GABRG2: variants seen among roughly 807,000 people sequenced by gnomAD.
GABRG2 encodes the protein gamma-aminobutyric acid receptor subunit gamma-2.
GABRG2 carries 16 observed loss-of-function variants against 56.4 expected under a neutral mutation model. That is an observed-to-expected ratio of 0.28 (90% CI 0.19 to 0.43). GABRG2 has a LOEUF of 0.43. Among genes scored for constraint, GABRG2 ranks in the 20% least tolerant of loss-of-function variants. The probability of loss-of-function intolerance (pLI) is 1.00; values close to 1 mark genes in which losing one functional copy is unlikely to be tolerated. For synonymous variants in GABRG2, 208 were observed against 205.5 expected (o/e 1.01, Z -0.10); for missense variants, 327 against 582.7 (o/e 0.56, Z 4.52).
At position 162,153,465 on chromosome 5, in the gene GABRG2, A is replaced by G; in HGVS notation, c.*97A>G. 7 of 1,368,842 alleles carry G rather than the reference A, an allele frequency of 5.1e-6. No homozygotes were observed. Among genetic ancestry groups the G allele is most frequent in the Non-Finnish European group, 7.3e-6 (7 of 961,142 alleles). 84.8% of individuals were successfully genotyped at this position (1,368,842 alleles called of 1,614,324 possible). The stretch of plus-strand genomic sequence containing the variant: ...TTAAATAATCCTCTATGTGGTTGAT[A>G]ATGATCTGAATCTGTTTCTATGTCC... On this transcript the variant is annotated 3_prime_UTR_variant, in exon 10 of 10. Transcript: ENST00000639213.
At chr5:162,111,870 T>G (rs537464727) in intron 6 of GABRG2, among the ~76,000 whole-genome samples, 1 of 152,296 alleles carries the variant, frequency 6.6e-6, no homozygotes, top group African/African-American at 2.4e-5. Context: ...TATTAGCACT[T>G]AATATGGTAG....
chr5:162,145,739 T>G (rs922298169), intron 7 of GABRG2, among the ~76,000 whole-genome samples: 1 of 152,178 alleles, frequency 6.6e-6, no homozygotes, highest in Non-Finnish European at 1.5e-5. Context: ...TTAAAAAAAT[T>G]AACTCATCTA....
chr5:162,109,416 A>ATATATATG (rs1554098573), intron 6 of GABRG2, among the ~76,000 whole-genome samples: 1 of 87,534 alleles, frequency 1.1e-5, no homozygotes, highest in African/African-American at 3.8e-5. Flanking sequence ...ATATATATAT[A>ATATATATG]TATATATTTA....
chr5:162,088,980 T>C (rs1387306502), intron 1 of GABRG2, among the ~76,000 whole-genome samples: 1 of 152,142 alleles, frequency 6.6e-6, no homozygotes, highest in African/African-American at 2.4e-5. Context: ...ATTTATAGTT[T>C]AGTAATGAAG....
intron 7 of GABRG2, among the ~76,000 whole-genome samples, chr5:162,146,779 C>T (rs771551893): frequency 5.9e-4 from 90 of 152,172 alleles, no homozygotes; most frequent in Non-Finnish European, 3.1e-4. Context: ...ACATAGTTCC[C>T]TTGATCATCT....
chr5:162,079,057 T>G (rs1326163045), intron 1 of GABRG2, among the ~76,000 whole-genome samples: 1 of 151,542 alleles, frequency 6.6e-6, no homozygotes, highest in Non-Finnish European at 1.5e-5. Context: ...ATGAACTCAG[T>G]GTCATAAAAA....
chr5:162,147,294 T>C (rs1013943656), intron 7 of GABRG2, among the ~76,000 whole-genome samples: 2 of 149,896 alleles, frequency 1.3e-5, no homozygotes, highest in Admixed American at 1.3e-4. Flanking sequence ...CTTTCTCCTT[T>C]CTTTCTTTCT....
intron 1 of GABRG2, among the ~76,000 whole-genome samples, chr5:162,071,808 G>T (rs75801270): frequency 0.019 from 2,894 of 151,834 alleles, 38 homozygotes; most frequent in Non-Finnish European, 0.032. Flanking sequence ...TGCTTTAGTT[G>T]TAGACAAAAC....
chr5:162,151,677 C>G, intron 8 of GABRG2, 53 bp from the exon 9 acceptor site: 1 of 1,383,952 alleles, frequency 7.2e-7, no homozygotes, highest in South Asian at 1.4e-5. Flanking sequence ...CATTTTTTTT[C>G]TCCTTTTTAT....
At chr5:162,117,203 A>G (rs558308089) in intron 6 of GABRG2, among the ~76,000 whole-genome samples, 23 of 152,202 alleles carry the variant, frequency 1.5e-4, no homozygotes, top group Non-Finnish European at 2.2e-4. Flanking sequence ...ATATTTTATA[A>G]ACATAAGCAA....
At chr5:162,145,618 A>T (rs148881629) in intron 7 of GABRG2, among the ~76,000 whole-genome samples, 152 of 152,308 alleles carry the variant, frequency 1.0e-3, no homozygotes, top group Non-Finnish European at 1.6e-3. Flanking sequence ...CTACTTCTAC[A>T]TGGCTTTGAT....
chr5:162,100,431 T>C, intron 4 of GABRG2: 1 of 152,148 alleles, frequency 6.6e-6, no homozygotes. Flanking sequence ...CCCATTACCA[T>C]TACAATTTGA....
At chr5:162,102,318 G>A (rs1761484605) in intron 5 of GABRG2, 2 of 326,960 alleles carry the variant, frequency 6.1e-6, no homozygotes, top group South Asian at 5.0e-5. Context: ...AGAGAGATAA[G>A]CCTTCCTTTC....
intron 6 of GABRG2, among the ~76,000 whole-genome samples, chr5:162,128,863 A>G (rs1763524179): frequency 6.6e-6 from 1 of 151,994 alleles, no homozygotes; most frequent in African/African-American, 2.4e-5. Flanking sequence ...TTAAATTAAG[A>G]ATCAAGCAAC....
At chr5:162,129,598 A>G (rs1282723067) in intron 6 of GABRG2, among the ~76,000 whole-genome samples, 1 of 151,984 alleles carries the variant, frequency 6.6e-6, no homozygotes. Flanking sequence ...TATGAGATAC[A>G]GATGATAATT....
intron 1 of GABRG2, among the ~76,000 whole-genome samples, chr5:162,087,217 C>T (rs150421993): frequency 2.0e-5 from 3 of 152,152 alleles, no homozygotes; most frequent in Non-Finnish European, 4.4e-5. Context: ...CAATGAGCAT[C>T]GTCACTGCCT....
chr5:162,128,007 A>G (rs74776493), intron 6 of GABRG2, among the ~76,000 whole-genome samples: 7,765 of 152,084 alleles, frequency 0.051, 299 homozygotes, highest in Middle Eastern at 0.078. Context: ...CTTTGGTCAC[A>G]TGGGACAGAG....
intron 1 of GABRG2, among the ~76,000 whole-genome samples, chr5:162,091,874 A>G (rs1760623838): frequency 6.6e-6 from 1 of 152,102 alleles, no homozygotes; most frequent in Admixed American, 6.6e-5. Context: ...CCTTTTCTTG[A>G]AGAAAATTTA....
chr5:162,140,147 T>TA (rs1156437862), intron 6 of GABRG2, among the ~76,000 whole-genome samples: 2 of 152,212 alleles, frequency 1.3e-5, no homozygotes, highest in Non-Finnish European at 2.9e-5. Flanking sequence ...TTATCATTGA[T>TA]AAAAAATTTC....
Sources: gnomAD v4.1 joint callset for allele counts (sites outside exome capture counted in the v4.1 genomes callset) on GRCh38, gnomAD v4.1.1 for gene constraint, MANE v1.5 for transcripts, NCBI Gene and HGNC (gene_info 2026-07-23, HGNC 2026-07-21) for gene names.